FGF2: variants seen among roughly 807,000 people sequenced by gnomAD.
FGF2 encodes the protein fibroblast growth factor 2.
FGF2 carries 13 observed loss-of-function variants against 15.9 expected under a neutral mutation model. The ratio of observed to expected loss-of-function variants is 0.82; its 90% CI spans 0.53 to 1.30. FGF2 has a LOEUF of 1.30. Among genes scored for constraint, FGF2 ranks in the 50% most tolerant of loss-of-function variants. FGF2 has a pLI of 0.00. For synonymous variants in FGF2, 90 were observed against 78.4 expected (o/e 1.15, Z -0.78); for missense variants, 163 against 196.9 (o/e 0.83, Z 1.03).
At chr4:122,874,468 CAG>C (rs1726799703) in intron 1 of FGF2, among the ~76,000 whole-genome samples, 1 of 152,162 alleles carries the variant, frequency 6.6e-6, no homozygotes, top group Non-Finnish European at 1.5e-5. Context: ...AGAGGTGACT[CAG>C]ACATGAAATG....
intron 1 of FGF2, among the ~76,000 whole-genome samples, chr4:122,874,503 CT>C (rs3840101): frequency 6.6e-6 from 1 of 151,864 alleles, no homozygotes; most frequent in African/African-American, 2.4e-5. Context: ...CTAAGATTGT[CT>C]TTTTTTTAAA....
In FGF2 at chr4:122,827,245, G is replaced by A. The variant is rs780712893; in HGVS notation, c.71G>A (p.Gly24Asp). 1.2e-6 allele frequency: 2 copies of A among 1,612,204 alleles called. No homozygotes were observed. Among genetic ancestry groups the A allele is most frequent in the Non-Finnish European group, 1.7e-6 (2 of 1,179,662 alleles). Residue 24 changes from glycine (G) to aspartate (D), a missense_variant, in exon 1 of 3, where the codon GGC becomes GAC. By Grantham distance (94) the Gly-to-Asp change is moderately conservative. Transcript: ENST00000644866. This position sits in a 1 kb window ranked among gnomAD's most constrained non-coding sequence, Gnocchi z 4.2. Reference protein sequence around the residue: ...EDGGSGAFPPGHFKDPKRLYC... With the variant: ...EDGGSGAFPPDHFKDPKRLYC... ...GGCGGCAGCGGCGCCTTCCCGCCCG[G>A]CCACTTCAAGGACCCCAAGCGGCTG...
At chr4:122,836,232 G>C (rs1446962378) in intron 1 of FGF2, among the ~76,000 whole-genome samples, 1 of 152,180 alleles carries the variant, frequency 6.6e-6, no homozygotes, top group African/African-American at 2.4e-5. Flanking sequence ...CTCAAAGAAT[G>C]TTTGTTAAAT....
At chr4:122,854,539 G>A (rs1440792524) in intron 1 of FGF2, among the ~76,000 whole-genome samples, 3 of 152,158 alleles carry the variant, frequency 2.0e-5, no homozygotes. Flanking sequence ...CTGTGATCCT[G>A]TTTTATTCCT....
At chr4:122,877,116 C>T (rs9999882) in intron 2 of FGF2, among the ~76,000 whole-genome samples, 3,551 of 142,730 alleles carry the variant, frequency 0.025, 61 homozygotes, top group Non-Finnish European at 0.037. Flanking sequence ...TTTTTTTTTT[C>T]TTTTTTTTTT....
Position 122,892,899 on chromosome 4 carries a change from TGTAAACTGCTGGAAGTTCTTCCACAG to T in FGF2, c.*504_*529del. 1 of 1,613,998 alleles carries T rather than the reference TGTAAACTGCTGGAAGTTCTTCCACAG, an allele frequency of 6.2e-7. No homozygotes were observed. Among genetic ancestry groups the T allele is most frequent in the Non-Finnish European group, 8.5e-7 (1 of 1,179,850 alleles). ...TGATAGAGTTTATAAAACAGTCCTG[TGTAAACTGCTGGAAGTTCTTCCACAG>T]TCAGGTCAATTTTGTCAAACCCTTC... is the stretch of plus-strand genomic sequence containing the variant. On this transcript the variant is annotated 3_prime_UTR_variant, in exon 3 of 3. Coordinates refer to ENST00000644866, the MANE Select transcript of FGF2 (RefSeq NM_001361665.2).
chr4:122,830,608 A>G (rs1420856617), intron 1 of FGF2, among the ~76,000 whole-genome samples: 5 of 152,144 alleles, frequency 3.3e-5, no homozygotes, highest in Non-Finnish European at 5.9e-5. Flanking sequence ...TTCTTTTGGC[A>G]TCCTTAACTT....
At chr4:122,855,485 C>A (rs1726320823) in intron 1 of FGF2, among the ~76,000 whole-genome samples, 1 of 152,154 alleles carries the variant, frequency 6.6e-6, no homozygotes, top group South Asian at 2.1e-4. Context: ...GTATTGCCAA[C>A]CCTGACTGAA....
intron 2 of FGF2, among the ~76,000 whole-genome samples, chr4:122,890,535 C>A (rs1270801579): frequency 6.6e-5 from 10 of 152,112 alleles, no homozygotes; most frequent in Non-Finnish European, 1.3e-4. Flanking sequence ...GATCTAATAC[C>A]ACACCCTTAC....
intron 2 of FGF2, among the ~76,000 whole-genome samples, chr4:122,878,909 G>A (rs1726909485): frequency 6.6e-6 from 1 of 152,134 alleles, no homozygotes; most frequent in Non-Finnish European, 1.5e-5. Flanking sequence ...TTTGGGAAAA[G>A]GTAGTAAGTT....
Position 122,827,534 on chromosome 4 carries a change from G to A in FGF2, c.178+182G>A, listed in dbSNP as rs2150758591. On this transcript the variant is annotated intron_variant, in intron 1 of 2. Coordinates refer to ENST00000644866, the MANE Select transcript of FGF2 (RefSeq NM_001361665.2). This position sits in a 1 kb window ranked among gnomAD's most constrained non-coding sequence, Gnocchi z 4.2. ...ACTCACCCCCTCCTTTCCGGGCTGC[G>A]GCGTAGGCCCGGGTGTCCCCTGGGC... Among the ~76,000 whole-genome samples the A allele has an allele frequency of 6.6e-6, 1 of 152,230 alleles. No individual in the cohort carries two copies. Among genetic ancestry groups the A allele is most frequent in the East Asian group, 1.9e-4 (1 of 5,140 alleles).
At chr4:122,875,188 A>G (rs1033741378) in intron 1 of FGF2, among the ~76,000 whole-genome samples, 4 of 152,090 alleles carry the variant, frequency 2.6e-5, no homozygotes, top group Admixed American at 2.6e-4. Flanking sequence ...TCTTTACTTC[A>G]TTTTTATTTC....
intron 1 of FGF2, among the ~76,000 whole-genome samples, chr4:122,833,356 T>C (rs1725803089): frequency 1.3e-5 from 2 of 152,216 alleles, no homozygotes; most frequent in South Asian, 4.1e-4. Context: ...ATATTAAGTG[T>C]ATGTTCCAGA....
intron 2 of FGF2, among the ~76,000 whole-genome samples, chr4:122,879,621 A>T (rs891472337): frequency 2.0e-5 from 3 of 152,240 alleles, no homozygotes; most frequent in Non-Finnish European, 2.9e-5. Flanking sequence ...CGATAAAGAC[A>T]TACCAGAGAC....
intron 1 of FGF2, among the ~76,000 whole-genome samples, chr4:122,845,282 G>C (rs185547821): frequency 6.6e-6 from 1 of 152,150 alleles, no homozygotes; most frequent in African/African-American, 2.4e-5. Context: ...CATTGATAGG[G>C]CACAGGCAGA....
At chr4:122,841,621 T>TTATCATATCATATCATATCATATCA (rs1725985880) in intron 1 of FGF2, among the ~76,000 whole-genome samples, 1 of 152,254 alleles carries the variant, frequency 6.6e-6, no homozygotes, top group African/African-American at 2.4e-5. Flanking sequence ...TATAGATGCA[T>TTATCATATCATATCATATCATATCA]TATCATAATC....
Position 122,893,124 on chromosome 4 carries a change from C to G in FGF2, c.*728C>G. ...CAGATGATATACATATCTGACTTCCCAAAAGCTCCAGGATTTGTGTGCTGT... is the reference window on the plus strand; with the variant it reads ...CAGATGATATACATATCTGACTTCCGAAAAGCTCCAGGATTTGTGTGCTGT... On this transcript the variant is annotated 3_prime_UTR_variant, in exon 3 of 3. Transcript: ENST00000644866. 6.2e-7 allele frequency: 1 copy of G among 1,614,148 alleles called. No individual in the cohort carries two copies. The highest frequency in any genetic ancestry group is 8.5e-7 in the Non-Finnish European group (1 of 1,180,024).
chr4:122,883,792 C>T (rs542543322), intron 2 of FGF2, among the ~76,000 whole-genome samples: 1 of 152,088 alleles, frequency 6.6e-6, no homozygotes, highest in African/African-American at 2.4e-5. Context: ...TCATGATATA[C>T]CCTGAACAAA....
chr4:122,829,148 G>A (rs962667670), intron 1 of FGF2, among the ~76,000 whole-genome samples: 11 of 152,110 alleles, frequency 7.2e-5, no homozygotes. Context: ...TTAGCCAGTG[G>A]ACATAATTTT....
Sources: gnomAD v4.1 joint callset for allele counts (sites outside exome capture counted in the v4.1 genomes callset) on GRCh38, gnomAD v4.1.1 for gene constraint, Gnocchi (gnomAD v3.1) non-coding constraint, MANE v1.5 for transcripts, NCBI Gene and HGNC (gene_info 2026-07-23, HGNC 2026-07-21) for gene names.